PCNX2: variants seen among roughly 807,000 people sequenced by gnomAD.
PCNX2 encodes the protein pecanex-like protein 2.
In PCNX2, 168 loss-of-function variants were observed where a neutral mutation model predicts 223.8. The ratio of observed to expected loss-of-function variants is 0.75; its 90% CI spans 0.66 to 0.85. The LOEUF (loss-of-function observed/expected upper bound fraction) is 0.85, where lower values mean the gene tolerates loss of function less well. Among genes scored for constraint, PCNX2 ranks in the 40% least tolerant of loss-of-function variants. The pLI is 0.00. For synonymous variants in PCNX2, 1,006 were observed against 1,052.6 expected (o/e 0.96, Z 0.86); for missense variants, 2,507 against 2,675.5 (o/e 0.94, Z 1.39).
intron 4 of PCNX2, chr1:233,259,919 T>C (rs1210081254): frequency 4.7e-6 from 3 of 637,770 alleles, no homozygotes; most frequent in South Asian, 7.1e-5. Flanking sequence ...ACTATATATA[T>C]AGCATTTACA....
chr1:233,025,389 G>A lies in PCNX2; in HGVS notation c.4362C>T (p.Cys1454=). 1 of 1,613,844 alleles carries A rather than the reference G, an allele frequency of 6.2e-7. No individual in the cohort carries two copies. Among genetic ancestry groups the A allele is most frequent in the Non-Finnish European group, 8.5e-7 (1 of 1,179,816 alleles). Residue 1454 remains cysteine (C), a synonymous_variant, in exon 26 of 34, where the codon TGC becomes TGT. Transcript: ENST00000258229. ...LRGLEFRGTY[C]QQREVEAIME... ...TGATGGCTTCTACCTCCCTCTGCTGGCAGTAGGTTCCTGGCCGAGCACAAA... is the reference window on the plus strand; with the variant it reads ...TGATGGCTTCTACCTCCCTCTGCTGACAGTAGGTTCCTGGCCGAGCACAAA...
rs769941652 is a variant in PCNX2 at position 233,135,085 on chromosome 1, G to A, written c.3765C>T (p.Phe1255=). ...FINLSFTVIF[F]HFDYKDISES... ...CTGAAATATCTTTGTAGTCAAAGTG[G>A]AAAAAGATGACAGTGAAGCTCAAGT... is the stretch of plus-strand genomic sequence containing the variant. The change falls in exon 21 of 34, where the codon TTC becomes TTT. Residue 1255 remains phenylalanine, a synonymous_variant. Coordinates refer to ENST00000258229, the MANE Select transcript of PCNX2 (RefSeq NM_014801.4). 1 of 1,612,942 alleles carries A rather than the reference G, an allele frequency of 6.2e-7. No homozygotes were observed. Among genetic ancestry groups the A allele is most frequent in the Non-Finnish European group, 8.5e-7 (1 of 1,178,936 alleles).
At chr1:233,169,819 C>T (rs1000624501) in intron 17 of PCNX2, among the ~76,000 whole-genome samples, 12 of 151,874 alleles carry the variant, frequency 7.9e-5, no homozygotes, top group African/African-American at 2.7e-4. Flanking sequence ...ATCCTTCTCT[C>T]GCCTTCTGGA....
At chr1:233,144,571 G>T (rs899509316) in intron 19 of PCNX2, among the ~76,000 whole-genome samples, 2 of 152,110 alleles carry the variant, frequency 1.3e-5, no homozygotes, top group Non-Finnish European at 2.9e-5. Flanking sequence ...TTTTTGCCAT[G>T]CTGCCCTGTG....
chr1:233,159,244 T>A (rs1240962386), intron 19 of PCNX2, among the ~76,000 whole-genome samples: 2 of 152,178 alleles, frequency 1.3e-5, no homozygotes, highest in African/African-American at 4.8e-5. Flanking sequence ...CTAAGGCGGC[T>A]CCTTGTGCCC....
chr1:233,096,414 A>G (rs935628609), intron 21 of PCNX2, among the ~76,000 whole-genome samples: 1 of 152,226 alleles, frequency 6.6e-6, no homozygotes, highest in African/African-American at 2.4e-5. Context: ...AAAATACAGA[A>G]GAGAGACCTC....
chr1:233,028,839 C>CTTTT (rs552422159), intron 25 of PCNX2, among the ~76,000 whole-genome samples: 2 of 129,778 alleles, frequency 1.5e-5, no homozygotes, highest in Non-Finnish European at 3.3e-5. Flanking sequence ...CTTTCCAGTC[C>CTTTT]TTTTTTTTTT....
chr1:233,251,032 A>G (rs746626030), intron 7 of PCNX2, among the ~76,000 whole-genome samples, 200 bp from the exon 8 acceptor site: 22 of 152,184 alleles, frequency 1.4e-4, no homozygotes, highest in Admixed American at 3.9e-4. Flanking sequence ...AAACTTTACT[A>G]AGAAAATTTT....
chr1:233,241,670 C>T (rs182727943), intron 8 of PCNX2, among the ~76,000 whole-genome samples: 283 of 152,254 alleles, frequency 1.9e-3, no homozygotes, highest in Middle Eastern at 3.4e-3. Context: ...CTCTACTATC[C>T]AAATTAAGTG....
At chr1:233,039,911 C>A (rs1314694709) in intron 25 of PCNX2, among the ~76,000 whole-genome samples, 3 of 151,944 alleles carry the variant, frequency 2.0e-5, no homozygotes, top group African/African-American at 7.3e-5. Flanking sequence ...AATAAAAGAA[C>A]AAAGTAATCT....
At chr1:233,119,130 C>T (rs1675600465) in intron 21 of PCNX2, among the ~76,000 whole-genome samples, 1 of 151,796 alleles carries the variant, frequency 6.6e-6, no homozygotes, top group Admixed American at 6.6e-5. Flanking sequence ...ACAAATGGTG[C>T]TGGAATAATT....
chr1:233,155,376 T>A (rs1220106016), intron 19 of PCNX2, among the ~76,000 whole-genome samples: 1 of 152,200 alleles, frequency 6.6e-6, no homozygotes, highest in African/African-American at 2.4e-5. Context: ...GATTATAAGC[T>A]TTTGGATGAC....
intron 15 of PCNX2, among the ~76,000 whole-genome samples, chr1:233,185,473 A>T (rs867044619): frequency 4.0e-5 from 6 of 151,292 alleles, no homozygotes; most frequent in East Asian, 3.9e-4. Flanking sequence ...CTTTTCATTT[A>T]AAAAAAAAGG....
At chr1:233,208,430 A>C in intron 13 of PCNX2, 88 bp downstream of exon 13, 9 of 1,372,028 alleles carry the variant, frequency 6.6e-6, no homozygotes, top group Non-Finnish European at 8.9e-6. Flanking sequence ...CCCAATAATC[A>C]AGTAAGGAAG....
intron 19 of PCNX2, among the ~76,000 whole-genome samples, chr1:233,144,124 T>C (rs890739538): frequency 1.1e-4 from 16 of 152,076 alleles, no homozygotes; most frequent in African/African-American, 3.6e-4. Flanking sequence ...GAGGCTGTAA[T>C]AAGCCGTGAT....
chr1:233,257,469 C>T (rs544919240), intron 5 of PCNX2, among the ~76,000 whole-genome samples: 1 of 152,108 alleles, frequency 6.6e-6, no homozygotes, highest in East Asian at 1.9e-4. Flanking sequence ...AAATGAGAAC[C>T]CTTCCAGGCA....
intron 21 of PCNX2, among the ~76,000 whole-genome samples, chr1:233,106,241 A>G (rs1204221370): frequency 6.6e-6 from 1 of 151,748 alleles, no homozygotes; most frequent in East Asian, 1.9e-4. Context: ...ACTATTCCAT[A>G]TATGAAACAG....
chr1:233,188,211 G>A (rs191766246), intron 15 of PCNX2, among the ~76,000 whole-genome samples: 8 of 152,148 alleles, frequency 5.3e-5, no homozygotes, highest in East Asian at 1.9e-4. Context: ...TCTCACACTC[G>A]GGGTCCTCTT....
chr1:233,017,523 A>T (rs143647119), intron 26 of PCNX2, among the ~76,000 whole-genome samples: 2 of 151,954 alleles, frequency 1.3e-5, no homozygotes, highest in South Asian at 2.1e-4. Flanking sequence ...TCACCATGTT[A>T]GCCAGGATGG....
Sources: gnomAD v4.1 joint callset for allele counts (sites outside exome capture counted in the v4.1 genomes callset) on GRCh38, gnomAD v4.1.1 for gene constraint, MANE v1.5 for transcripts, NCBI Gene and HGNC (gene_info 2026-07-23, HGNC 2026-07-21) for gene names.